PPFIA4: variants seen among roughly 807,000 people sequenced by gnomAD.
PPFIA4 encodes liprin-alpha-4.
In PPFIA4, 98 loss-of-function variants were observed where a neutral mutation model predicts 145.7. That is an observed-to-expected ratio of 0.67 (90% CI 0.57 to 0.80). PPFIA4 has a LOEUF of 0.80. PPFIA4 is among the 30% of genes least tolerant of loss of function. PPFIA4 has a pLI of 0.00. For synonymous variants in PPFIA4, 628 were observed against 649.6 expected, an observed-to-expected ratio of 0.97 and a Z score of 0.51; for missense variants, 1,457 against 1,632.7, an observed-to-expected ratio of 0.89 and a Z score of 1.85.
chr1:203,065,379 CCCAG>C (rs1661662221), intron 25 of PPFIA4, among the ~76,000 whole-genome samples: 1 of 152,036 alleles, frequency 6.6e-6, no homozygotes, highest in Non-Finnish European at 1.5e-5. Flanking sequence ...GGCTGCCAGG[CCCAG>C]CTGCACCTGT....
Position 203,068,347 on chromosome 1 carries a change from A to G in PPFIA4, c.3149-106A>G, listed in dbSNP as rs1571735820. 1 of 664,368 alleles carries G rather than the reference A, an allele frequency of 1.5e-6. No individual in the cohort carries two copies. The highest frequency in any genetic ancestry group is 2.2e-6 in the Non-Finnish European group (1 of 451,276). The allele number at this position is 664,368 out of a possible 1,614,324, so 41.2% of individuals were successfully genotyped here. ...AGGGATGGAGTGGGGGTCAGAGAGC[A>G]GGGTGGACTGCGGCTCTGGGTTTAG... is the stretch of plus-strand genomic sequence containing the variant. On this transcript the variant is annotated intron_variant, in intron 26 of 29. Transcript: ENST00000295706. The surrounding 1 kb of genome is among the most constrained non-coding windows in gnomAD (Gnocchi z 4.7).
chr1:203,043,357 G>T lies in PPFIA4; in HGVS notation c.235-40G>T. ...TGCATGTGCAGGACACTGCTTTGGG[G>T]GTGAATCCTGAAGCACTGAGGGGCC... On this transcript the variant is annotated intron_variant, in intron 2 of 29. Transcript: ENST00000295706. The surrounding 1 kb of genome is among the most constrained non-coding windows in gnomAD (Gnocchi z 4.4). 6.5e-7 allele frequency: 1 copy of T among 1,547,404 alleles called. No homozygotes were observed. The highest frequency in any genetic ancestry group is 8.8e-7 in the Non-Finnish European group (1 of 1,134,886).
intron 1 of PPFIA4, chr1:203,035,599 T>A (rs1411527115): frequency 2.2e-6 from 1 of 456,714 alleles, no homozygotes; most frequent in African/African-American, 2.0e-5. Context: ...TTGCAAATGC[T>A]TGCTTTGGGG....
chr1:203,051,315 A>C, intron 13 of PPFIA4: 1 of 988,186 alleles, frequency 1.0e-6, no homozygotes, highest in Non-Finnish European at 1.2e-6. Context: ...AGTGCTGGGT[A>C]GAAGACCAAA....
rs3737879 is a variant in PPFIA4 at position 203,077,651 on chromosome 1, C to T, written c.*1261C>T. 0.13 allele frequency: 20,001 copies of T among 152,136 alleles called. 1,693 individuals are homozygous for T. The highest frequency in any genetic ancestry group is 0.26 in the Middle Eastern group (76 of 292). 9.4% of individuals were successfully genotyped at this position (152,136 alleles called of 1,614,324 possible). A position where few individuals can be genotyped will look rare whatever the true frequency, so the allele number is the denominator to read the frequency against. On this transcript the variant is annotated 3_prime_UTR_variant, in exon 30 of 30. Transcript: ENST00000295706. ...GCCTCCTCCCGGAATTCCTAAGATCCGCCCAGCTGCCACCATTTTCATTGC... is the reference window on the plus strand; with the variant it reads ...GCCTCCTCCCGGAATTCCTAAGATCTGCCCAGCTGCCACCATTTTCATTGC...
chr1:203,062,988 T>C (rs760467514), intron 24 of PPFIA4: 1 of 152,242 alleles, frequency 6.6e-6, no homozygotes, highest in Non-Finnish European at 1.5e-5. Flanking sequence ...CTAACTTCAT[T>C]TATATGCTTC....
chr1:203,043,335 A>C lies in PPFIA4; in HGVS notation c.235-62A>C. 1.4e-6 allele frequency: 2 copies of C among 1,428,914 alleles called. No homozygotes were observed. The highest frequency in any genetic ancestry group is 1.2e-5 in the South Asian group (1 of 82,014). 88.5% of individuals were successfully genotyped at this position (1,428,914 alleles called of 1,614,324 possible). ...TGAGAGGATCCCACCACTGACTTGC[A>C]TGTGCAGGACACTGCTTTGGGGGTG... On this transcript the variant is annotated intron_variant, in intron 2 of 29. Transcript: ENST00000295706. The surrounding 1 kb of genome is among the most constrained non-coding windows in gnomAD (Gnocchi z 4.4).
At chr1:203,061,949 A>T (rs1160747343) in intron 24 of PPFIA4, among the ~76,000 whole-genome samples, 4 of 151,954 alleles carry the variant, frequency 2.6e-5, no homozygotes, top group Non-Finnish European at 5.9e-5. Flanking sequence ...TCCTGGGAAT[A>T]ATCAGACCTA....
intron 14 of PPFIA4, 81 bp from the exon 15 acceptor site, chr1:203,053,672 G>C: frequency 1.7e-6 from 2 of 1,189,526 alleles, no homozygotes; most frequent in Non-Finnish European, 2.4e-6. Flanking sequence ...GCCAGTGCTG[G>C]TGGGTAGAGG....
Position 203,044,714 on chromosome 1 carries a change from G to T in PPFIA4, c.595G>T (p.Gly199Trp). 1 of 1,559,164 alleles carries T rather than the reference G, an allele frequency of 6.4e-7. No individual in the cohort carries two copies. Among genetic ancestry groups the T allele is most frequent in the South Asian group, 1.2e-5 (1 of 84,494 alleles). Reference sequence around the variant, plus strand: ...CCTACAGGTGTCTGCCCTGCAGCAGGGGGCAGGGGTGCGGGATGGAGCGGC... The same window carrying T: ...CCTACAGGTGTCTGCCCTGCAGCAGTGGGCAGGGGTGCGGGATGGAGCGGC... ...AHQQVSALQQ[G>W]AGVRDGAAEE... The change falls in exon 6 of 30, where the codon GGG becomes TGG. Residue 199 changes from glycine (G) to tryptophan (W), a missense_variant. Physicochemically the swap from Gly to Trp is radical, Grantham distance 184 (BLOSUM62 -2). Coordinates refer to ENST00000295706, the MANE Select transcript of PPFIA4 (RefSeq NM_001304331.2).
chr1:203,067,445 T>C (rs1206852840), intron 25 of PPFIA4: 8 of 448,710 alleles, frequency 1.8e-5, no homozygotes, highest in Non-Finnish European at 2.8e-5. Context: ...AAGAACTTTT[T>C]TTCCCATCAA....
At chr1:203,035,024 A>G (rs1659125889) in intron 1 of PPFIA4, among the ~76,000 whole-genome samples, 1 of 152,218 alleles carries the variant, frequency 6.6e-6, no homozygotes, top group South Asian at 2.1e-4. Context: ...AATCCATACC[A>G]CTTGGAAGCA....
At chr1:203,056,228 C>A (rs1224093027) in intron 17 of PPFIA4, 73 bp downstream of exon 17, 4 of 1,608,298 alleles carry the variant, frequency 2.5e-6, no homozygotes, top group Non-Finnish European at 2.6e-6. Context: ...GCTTCCTCCC[C>A]CAGGGCCCTT....
intron 12 of PPFIA4, 90 bp downstream of exon 12, chr1:203,049,070 A>G (rs1177967721): frequency 1.6e-6 from 2 of 1,246,212 alleles, no homozygotes; most frequent in African/African-American, 3.0e-5. Flanking sequence ...CTGCTCTGAT[A>G]CCTGGCAGTG....
intron 1 of PPFIA4, among the ~76,000 whole-genome samples, chr1:203,028,017 T>C (rs1286301322): frequency 2.0e-5 from 3 of 152,204 alleles, no homozygotes; most frequent in African/African-American, 7.2e-5. Context: ...TCTCAGATTT[T>C]GTCCTGAGGC....
At chr1:203,058,976 T>G (rs1259320963) in intron 19 of PPFIA4, among the ~76,000 whole-genome samples, 4 of 152,170 alleles carry the variant, frequency 2.6e-5, no homozygotes, top group Non-Finnish European at 5.9e-5. Flanking sequence ...CTCTCTGAAC[T>G]GGGGATGACC....
In PPFIA4 at chr1:203,078,434, A is replaced by G. The variant is rs1662678338; in HGVS notation, c.*2044A>G. On this transcript the variant is annotated 3_prime_UTR_variant, in exon 30 of 30. Coordinates refer to ENST00000295706, the MANE Select transcript of PPFIA4 (RefSeq NM_001304331.2). The stretch of plus-strand genomic sequence containing the variant: ...GTCGTAAGGCAGCAGCTGTGCCAGG[A>G]TAGCTGGGTCCATTCAGAGCACCTT... 6.6e-6 allele frequency: 1 copy of G among 152,404 alleles called. No homozygotes were observed. The highest frequency in any genetic ancestry group is 2.4e-5 in the African/African-American group (1 of 41,432). 9.4% of individuals were successfully genotyped at this position (152,404 alleles called of 1,614,324 possible). A position where few individuals can be genotyped will look rare whatever the true frequency, so the allele number is the denominator to read the frequency against.
At chr1:203,033,065 G>A (rs1247167897) in intron 1 of PPFIA4, among the ~76,000 whole-genome samples, 2 of 152,200 alleles carry the variant, frequency 1.3e-5, no homozygotes, top group Non-Finnish European at 2.9e-5. Flanking sequence ...GGCATTAGGA[G>A]GCTGAGTGTA....
rs202090038 is a variant in PPFIA4, at chr1:203,060,228, G to A, written c.2595G>A (p.Gly865=). 5.2e-4 allele frequency: 843 copies of A among 1,613,872 alleles called. No homozygotes were observed. Among genetic ancestry groups the A allele is most frequent in the Non-Finnish European group, 6.6e-4 (776 of 1,179,966 alleles). The change falls in exon 22 of 30, where the codon GGG becomes GGA. Residue 865 remains glycine (G), a synonymous_variant. Transcript: ENST00000295706. The surrounding 1 kb of genome is among the most constrained non-coding windows in gnomAD (Gnocchi z 4.8). ...CCCGGTGTCTGCAGCTCTGGGTGGG[G>A]ATGCCTGCCTGGTATGTGGCAGCCT... is the stretch of plus-strand genomic sequence containing the variant. ...TVVSWLELWV[G]MPAWYVAACR...
Sources: allele counts gnomAD v4.1 joint callset (sites outside exome capture counted in the v4.1 genomes callset), GRCh38; gene constraint gnomAD v4.1.1; non-coding constraint Gnocchi (gnomAD v3.1); transcripts MANE v1.5; gene names NCBI Gene and HGNC (gene_info 2026-07-23, HGNC 2026-07-21).